Variants in TMEM62 observed in about 807,000 individuals in gnomAD.
The protein encoded by TMEM62 is transmembrane protein 62.
In TMEM62, 41 loss-of-function variants were observed where a neutral mutation model predicts 70.4. That is an observed-to-expected ratio of 0.58 (90% CI 0.45 to 0.76). The LOEUF (loss-of-function observed/expected upper bound fraction) is 0.76, where lower values mean the gene tolerates loss of function less well. TMEM62 is among the 30% of genes least tolerant of loss of function. The probability of loss-of-function intolerance (pLI) is 0.00; values close to 1 mark genes in which losing one functional copy is unlikely to be tolerated. For missense variants in TMEM62, 688 were observed against 788.5 expected, an observed-to-expected ratio of 0.87 and a Z score of 1.53; for synonymous variants, 268 against 291.0, an observed-to-expected ratio of 0.92 and a Z score of 0.80.
intron 11 of TMEM62, among the ~76,000 whole-genome samples, chr15:43,172,929 TA>T (rs2040350870): frequency 6.6e-6 from 1 of 152,164 alleles, no homozygotes; most frequent in African/African-American, 2.4e-5. Context: ...GGCAACATAT[TA>T]AAACTCATTA....
At chr15:43,167,349 G>C (rs1042099676) in intron 10 of TMEM62, among the ~76,000 whole-genome samples, 1 of 149,482 alleles carries the variant, frequency 6.7e-6, no homozygotes, top group African/African-American at 2.5e-5. Context: ...CGGGCGGAGG[G>C]GCTCCTCACT....
intron 4 of TMEM62, chr15:43,146,254 C>T: frequency 2.6e-6 from 1 of 390,506 alleles, no homozygotes; most frequent in Non-Finnish European, 4.6e-6. Context: ...AGCCGTCTTA[C>T]TTCTGAACTT....
chr15:43,141,627 C>T (rs1470324051), intron 4 of TMEM62, among the ~76,000 whole-genome samples: 1 of 152,224 alleles, frequency 6.6e-6, no homozygotes, highest in Non-Finnish European at 1.5e-5. Context: ...TCAACTCTTA[C>T]TATTTAAGAA....
chr15:43,142,730 G>A lies in TMEM62; in HGVS notation c.477-3763G>A, dbSNP rs1156676020. Among the ~76,000 whole-genome samples the A allele has an allele frequency of 6.0e-5, 9 of 149,756 alleles. No individual in the cohort carries two copies. The East Asian group carries it at 1.0e-3, about 17-fold the overall frequency. The stretch of plus-strand genomic sequence containing the variant: ...GTCACCCAGGCTGGAGTGCAATGGC[G>A]CGATCTCAGCTCACTGCAATCTCCA... On this transcript the variant is annotated intron_variant, in intron 4 of 13. Transcript: ENST00000260403.
chr15:43,169,718 G>A lies in TMEM62; in HGVS notation c.1381+41G>A, dbSNP rs751373431. ...TTTTATTCCTATAAGCCTTGTTCAT[G>A]GAAAAAACCAAACTCCGTAAAATAT... On this transcript the variant is annotated intron_variant, in intron 11 of 13. Transcript: ENST00000260403. 2.3e-5 allele frequency: 35 copies of A among 1,526,572 alleles called. 1 individual carries two copies. In the South Asian group the frequency reaches 4.1e-4, roughly 18 times the overall value. The allele number at this position is 1,526,572 out of a possible 1,614,324, so 94.6% of individuals were successfully genotyped here. A position where few individuals can be genotyped will look rare whatever the true frequency, so the allele number is the denominator to read the frequency against.
At chr15:43,174,672 G>A (rs1230388150) in intron 11 of TMEM62, among the ~76,000 whole-genome samples, 1 of 152,180 alleles carries the variant, frequency 6.6e-6, no homozygotes, top group Non-Finnish European at 1.5e-5. Flanking sequence ...TATGTAAATT[G>A]TCCAAGGTTT....
intron 9 of TMEM62, 118 bp downstream of exon 9, chr15:43,154,949 C>A: frequency 1.1e-6 from 1 of 933,080 alleles, no homozygotes; most frequent in Non-Finnish European, 1.5e-6. Flanking sequence ...AACTGGGGGC[C>A]GGGCATGGTG....
In TMEM62 at chr15:43,160,783, C is replaced by T. The variant is rs1210574250; in HGVS notation, c.1285C>T (p.His429Tyr). ...PLASFILRTD[H>Y]YIMARVLFVL... ...GGCATCATTTATTCTCCGTACTGAT[C>T]ACTACATCATGGTAAGTGAATTCAA... is the stretch of plus-strand genomic sequence containing the variant. The change falls in exon 10 of 14, where the codon CAC (histidine) becomes TAC (tyrosine). Residue 429 changes from histidine to tyrosine, a missense_variant. Physicochemically the swap from His to Tyr is moderately conservative, Grantham distance 83. Coordinates refer to ENST00000260403, the MANE Select transcript of TMEM62 (RefSeq NM_024956.4). 1 of 1,587,452 alleles carries T rather than the reference C, an allele frequency of 6.3e-7. No individual in the cohort carries two copies. The highest frequency in any genetic ancestry group is 8.6e-7 in the Non-Finnish European group (1 of 1,158,828).
intron 4 of TMEM62, among the ~76,000 whole-genome samples, chr15:43,141,450 C>T (rs926488798): frequency 6.6e-6 from 1 of 152,214 alleles, no homozygotes; most frequent in Non-Finnish European, 1.5e-5. Context: ...CTATTGAGAA[C>T]TACTGCTCAG....
chr15:43,149,349 A>G (rs1018197211), intron 7 of TMEM62, among the ~76,000 whole-genome samples, 198 bp downstream of exon 7: 28 of 152,150 alleles, frequency 1.8e-4, no homozygotes, highest in African/African-American at 6.8e-4. Flanking sequence ...TACTATCACT[A>G]TGTTACATTG....
intron 9 of TMEM62, among the ~76,000 whole-genome samples, chr15:43,155,600 A>C (rs980193590): frequency 1.3e-5 from 2 of 152,272 alleles, no homozygotes; most frequent in Non-Finnish European, 2.9e-5. Flanking sequence ...AAAACTAGGC[A>C]GAGGAGAAGA....
chr15:43,151,228 T>G (rs1402286389), intron 7 of TMEM62, among the ~76,000 whole-genome samples: 1 of 151,152 alleles, frequency 6.6e-6, no homozygotes, highest in Non-Finnish European at 1.5e-5. Context: ...TCCCAGCTAC[T>G]TGGGAGGCTG....
intron 3 of TMEM62, among the ~76,000 whole-genome samples, chr15:43,138,108 T>C (rs1228886968): frequency 6.6e-6 from 1 of 152,166 alleles, no homozygotes; most frequent in Non-Finnish European, 1.5e-5. Flanking sequence ...ACCCACATCC[T>C]GGAATCAAGA....
chr15:43,145,612 A>T (rs969458557), intron 4 of TMEM62, among the ~76,000 whole-genome samples: 4 of 152,190 alleles, frequency 2.6e-5, no homozygotes, highest in Non-Finnish European at 5.9e-5. Context: ...TGTCTATATC[A>T]TATATTTACT....
In TMEM62 at chr15:43,148,879, G is replaced by A. The variant is rs748844328; in HGVS notation, c.743G>A (p.Ser248Asn). Residue 248 changes from serine (S) to asparagine (N), a missense_variant and splice_region_variant, in exon 6 of 14, where the codon AGT (serine) becomes AAT (asparagine). Transcript: ENST00000260403. ...TCACCAGGAATCCGGTCAATAATGA[G>A]GTGAGACAAGCTTCCAAAATCAGAA... ...SPSPGIRSIM[S>N]SAIAYLCGHL... The A allele has an allele frequency of 5.5e-5, 88 of 1,609,290 alleles. No individual in the cohort carries two copies. In the South Asian group the frequency reaches 9.8e-4, roughly 18 times the overall value.
At chr15:43,173,804 C>T (rs62019372) in intron 11 of TMEM62, among the ~76,000 whole-genome samples, 155 of 150,138 alleles carry the variant, frequency 1.0e-3, no homozygotes, top group South Asian at 4.2e-3. Context: ...ATAACCACTT[C>T]GAATGTATAT....
intron 5 of TMEM62, among the ~76,000 whole-genome samples, chr15:43,148,218 TGGGTCTG>T (rs2036911693): frequency 6.6e-6 from 1 of 152,186 alleles, no homozygotes; most frequent in Non-Finnish European, 1.5e-5. Flanking sequence ...TATGTACTCT[TGGGTCTG>T]GCTTCTTTTG....
At chr15:43,143,124 C>T (rs999235871) in intron 4 of TMEM62, among the ~76,000 whole-genome samples, 1 of 151,960 alleles carries the variant, frequency 6.6e-6, no homozygotes, top group Admixed American at 6.6e-5. Context: ...TGCAGTGGCA[C>T]CATCTTGGCT....
chr15:43,166,991 C>G (rs1376583573), intron 10 of TMEM62, among the ~76,000 whole-genome samples: 1 of 152,246 alleles, frequency 6.6e-6, no homozygotes, highest in Non-Finnish European at 1.5e-5. Context: ...CCACCTTCCC[C>G]CCTTTCTATT....
Sources: gnomAD v4.1 joint callset for allele counts (sites outside exome capture counted in the v4.1 genomes callset) on GRCh38, gnomAD v4.1.1 for gene constraint, MANE v1.5 for transcripts, NCBI Gene and HGNC (gene_info 2026-07-23, HGNC 2026-07-21) for gene names.